SYNRG: variants seen among roughly 807,000 people sequenced by gnomAD.
SYNRG encodes the protein AP1 gamma subunit binding protein 1.
Under a neutral mutation model 130.9 loss-of-function variants are expected in SYNRG, and 37 were observed. The observed-to-expected ratio is 0.28, with a 90% CI of 0.22 to 0.37. The LOEUF is 0.37. Ranked by LOEUF, SYNRG falls within the 10% of genes least tolerant of loss-of-function variation. SYNRG has a pLI of 1.00. For missense variants in SYNRG, 1,338 were observed against 1,588.9 expected, an observed-to-expected ratio of 0.84 and a Z score of 2.68; for synonymous variants, 539 against 568.1, an observed-to-expected ratio of 0.95 and a Z score of 0.73.
chr17:37,577,541 T>C lies in SYNRG; in HGVS notation c.662A>G (p.Asn221Ser). The C allele has an allele frequency of 6.2e-7, 1 of 1,613,846 alleles. No individual in the cohort carries two copies. Among genetic ancestry groups the C allele is most frequent in the Non-Finnish European group, 8.5e-7 (1 of 1,179,788 alleles). Residue 221 changes from asparagine (N) to serine (S), a missense_variant, in exon 7 of 22, where the codon AAT (asparagine) becomes AGT (serine). Asn to Ser is a conservative substitution (Grantham distance 46). This residue lies in a region of SYNRG where 1,146 missense variants were observed against 1,342.3 expected (regional missense o/e 0.85). Coordinates refer to ENST00000612223, the MANE Select transcript of SYNRG (RefSeq NM_007247.6). Reference sequence around the variant, plus strand: ...GGCTTTGTGGCCAACTTCAGAAGTATTTAATTTAATTTGTTCCTGCCCAGA... The same window carrying C: ...GGCTTTGTGGCCAACTTCAGAAGTACTTAATTTAATTTGTTCCTGCCCAGA... Reference protein sequence around the residue: ...STSGQEQIKLNTSEVGHKALG... With the variant: ...STSGQEQIKLSTSEVGHKALG...
intron 1 of SYNRG, among the ~76,000 whole-genome samples, chr17:37,608,437 T>C (rs2147254348): frequency 6.6e-6 from 1 of 152,228 alleles, no homozygotes; most frequent in South Asian, 2.1e-4. Flanking sequence ...AGAAGTGGAG[T>C]GAAAACTTCC....
chr17:37,599,491 C>T (rs2063077681), intron 2 of SYNRG, among the ~76,000 whole-genome samples: 1 of 152,150 alleles, frequency 6.6e-6, no homozygotes, highest in Non-Finnish European at 1.5e-5. Flanking sequence ...GAGGCCAAGG[C>T]AGGAGAATCG....
chr17:37,568,684 G>A (rs2060183735), intron 11 of SYNRG, 107 bp downstream of exon 11: 11 of 1,178,248 alleles, frequency 9.3e-6, no homozygotes, highest in Non-Finnish European at 1.3e-5. Context: ...GAAAGTAGTA[G>A]AGTAAGGAGT....
intron 15 of SYNRG, chr17:37,540,918 G>A (rs1197731962): frequency 1.0e-6 from 1 of 1,001,248 alleles, no homozygotes; most frequent in South Asian, 4.5e-5. Context: ...ACAGGTGTGA[G>A]CCACCGCGCC....
At chr17:37,526,911 G>A (rs1400634194) in intron 19 of SYNRG, among the ~76,000 whole-genome samples, 1 of 152,176 alleles carries the variant, frequency 6.6e-6, no homozygotes, top group African/African-American at 2.4e-5. Flanking sequence ...CTTTGAGGGG[G>A]CCATCATTCT....
chr17:37,602,303 C>G (rs2063356777), intron 1 of SYNRG, among the ~76,000 whole-genome samples: 1 of 150,842 alleles, frequency 6.6e-6, no homozygotes, highest in Admixed American at 6.6e-5. Context: ...CGCCATTGCA[C>G]TTCAGCCTGG....
intron 18 of SYNRG, 77 bp downstream of exon 18, chr17:37,538,247 C>T (rs1267223880): frequency 8.8e-7 from 1 of 1,135,094 alleles, no homozygotes; most frequent in Non-Finnish European, 1.3e-6. Flanking sequence ...AGAGATCTAG[C>T]TTAAAATAAT....
chr17:37,554,144 T>C (rs1027032628), intron 13 of SYNRG, 85 bp from the exon 14 acceptor site: 5 of 1,244,354 alleles, frequency 4.0e-6, no homozygotes, highest in Non-Finnish European at 5.6e-6. Flanking sequence ...CAAGCATAAT[T>C]TTACTGACTT....
At chr17:37,522,702 G>A (rs1295996879) in intron 19 of SYNRG, among the ~76,000 whole-genome samples, 23 of 148,110 alleles carry the variant, frequency 1.6e-4, no homozygotes, top group African/African-American at 2.0e-4. Flanking sequence ...GTGCAGTGGC[G>A]CAATCTCGGC....
At chr17:37,574,923 T>TA (rs2060694356) in intron 8 of SYNRG, among the ~76,000 whole-genome samples, 1 of 151,792 alleles carries the variant, frequency 6.6e-6, no homozygotes, top group South Asian at 2.1e-4. Flanking sequence ...GACGAATGGA[T>TA]AAAGAAAATG....
At chr17:37,584,824 AATTAAGAAAAGCACAG>A (rs1951846079) in intron 5 of SYNRG, 65 bp from the exon 6 acceptor site, 1 of 1,217,958 alleles carries the variant, frequency 8.2e-7, no homozygotes, top group African/African-American at 1.5e-5. Flanking sequence ...AACCCTCCCA[AATTAAGAAAAGCACAG>A]ATATTCATCT....
At chr17:37,538,874 T>C (rs1250887600) in intron 17 of SYNRG, among the ~76,000 whole-genome samples, 2 of 152,248 alleles carry the variant, frequency 1.3e-5, no homozygotes, top group Non-Finnish European at 2.9e-5. Flanking sequence ...ATTATAGGTG[T>C]TGAGCCACCG....
chr17:37,605,165 G>C (rs1470999093), intron 1 of SYNRG, among the ~76,000 whole-genome samples: 1 of 152,142 alleles, frequency 6.6e-6, no homozygotes, highest in East Asian at 1.9e-4. Context: ...AAAAAACACT[G>C]TATCTGCTAA....
intron 10 of SYNRG, among the ~76,000 whole-genome samples, chr17:37,569,228 G>A (rs1430189721): frequency 6.6e-6 from 1 of 152,212 alleles, no homozygotes; most frequent in East Asian, 1.9e-4. Flanking sequence ...TGGCTAACAT[G>A]GCGAAACGCC....
intron 6 of SYNRG, among the ~76,000 whole-genome samples, chr17:37,578,623 C>T (rs965660177): frequency 6.6e-6 from 1 of 152,180 alleles, no homozygotes; most frequent in African/African-American, 2.4e-5. Flanking sequence ...GGACTAAGTA[C>T]ATGTCTGCCA....
chr17:37,609,372 C>G lies in SYNRG; in HGVS notation c.-17G>C, dbSNP rs774914804. 4 of 1,413,270 alleles carry G rather than the reference C, an allele frequency of 2.8e-6. No individual in the cohort carries two copies. The South Asian group carries it at 5.8e-5, about 21-fold the overall frequency. The allele number at this position is 1,413,270 out of a possible 1,614,324, so 87.5% of individuals were successfully genotyped here. ...CAGCGCCATCTTGCTCCCGACCTGC[C>G]GCTGCCTTCGCCGCCGCCACCTTAT... is the stretch of plus-strand genomic sequence containing the variant. On this transcript the variant is annotated 5_prime_UTR_variant, in exon 1 of 22. Coordinates refer to ENST00000612223, the MANE Select transcript of SYNRG (RefSeq NM_007247.6).
At chr17:37,556,225 G>A (rs2059111856) in intron 13 of SYNRG, among the ~76,000 whole-genome samples, 1 of 152,014 alleles carries the variant, frequency 6.6e-6, no homozygotes. Context: ...CAAGGCGGGT[G>A]GGTCACCTGA....
Position 37,518,033 on chromosome 17 carries a change from A to C in SYNRG, c.*907T>G, listed in dbSNP as rs2054560496. On this transcript the variant is annotated 3_prime_UTR_variant, in exon 22 of 22. Transcript: ENST00000612223. ...AGCTCCACATTTTCACCCTGAATTAATTTTCAGGTTTTTCTCACAGATACT... is the reference window on the plus strand; with the variant it reads ...AGCTCCACATTTTCACCCTGAATTACTTTTCAGGTTTTTCTCACAGATACT... 1 of 152,132 alleles carries C rather than the reference A, an allele frequency of 6.6e-6. No individual in the cohort carries two copies. The highest frequency in any genetic ancestry group is 1.5e-5 in the Non-Finnish European group (1 of 68,032). The allele number at this position is 152,132 out of a possible 1,614,324, so 9.4% of individuals were successfully genotyped here.
chr17:37,542,592 T>C, intron 14 of SYNRG, 27 bp from the exon 15 acceptor site: 1 of 1,577,476 alleles, frequency 6.3e-7, no homozygotes. Flanking sequence ...ACCCCACAAT[T>C]AGAGGCAAGC....
Sources: gnomAD v4.1 joint callset for allele counts (sites outside exome capture counted in the v4.1 genomes callset) on GRCh38, gnomAD v4.1.1 for gene constraint, gnomAD v4.1.1 regional missense constraint, MANE v1.5 for transcripts, NCBI Gene and HGNC (gene_info 2026-07-23, HGNC 2026-07-21) for gene names.